NRG1: variants seen among roughly 807,000 people sequenced by gnomAD.
The protein encoded by NRG1 is pro-neuregulin-1, membrane-bound isoform.
NRG1 carries 18 observed loss-of-function variants against 63.8 expected under a neutral mutation model. The ratio of observed to expected loss-of-function variants is 0.28; its 90% CI spans 0.19 to 0.42. The LOEUF (loss-of-function observed/expected upper bound fraction) is 0.42. Ranked by LOEUF, NRG1 falls within the 10% of genes least tolerant of loss-of-function variation. NRG1 has a pLI of 1.00. For synonymous variants in NRG1, 302 were observed against 301.3 expected (o/e 1.00, Z -0.02); for missense variants, 762 against 814.7 (o/e 0.94, Z 0.79).
chr8:32,047,538 A>G (rs1185292485), intron 1 of NRG1, among the ~76,000 whole-genome samples: 2 of 151,990 alleles, frequency 1.3e-5, no homozygotes, highest in African/African-American at 4.8e-5. Flanking sequence ...GTATGGAAAA[A>G]TTTCCTATTA....
intron 1 of NRG1, among the ~76,000 whole-genome samples, chr8:32,412,023 T>C (rs1251955537): frequency 6.6e-6 from 1 of 152,110 alleles, no homozygotes; most frequent in Non-Finnish European, 1.5e-5. Flanking sequence ...CTGGATGAGA[T>C]GAACATTTGA....
chr8:31,695,180 A>T (rs555638900), intron 1 of NRG1, among the ~76,000 whole-genome samples: 52 of 151,738 alleles, frequency 3.4e-4, no homozygotes, highest in African/African-American at 1.3e-3. Flanking sequence ...TTATTTATTT[A>T]TTTTTTTGAG....
At chr8:32,327,350 C>T (rs767950898) in intron 1 of NRG1, among the ~76,000 whole-genome samples, 17 of 152,134 alleles carry the variant, frequency 1.1e-4, no homozygotes, top group Non-Finnish European at 2.2e-4. Context: ...TTTTTAAAGA[C>T]AACAAAGAAA....
intron 1 of NRG1, among the ~76,000 whole-genome samples, chr8:32,162,813 A>G (rs1173926359): frequency 6.6e-6 from 1 of 152,076 alleles, no homozygotes; most frequent in Non-Finnish European, 1.5e-5. Context: ...CTGCCTAGAG[A>G]TATGAGCTGT....
chr8:32,157,967 C>T (rs1838327806), intron 1 of NRG1, among the ~76,000 whole-genome samples: 10 of 152,124 alleles, frequency 6.6e-5, no homozygotes, highest in Admixed American at 6.6e-4. Context: ...ATACACTTTC[C>T]ACTTTCCCAA....
chr8:32,647,040 G>T, intron 5 of NRG1: 2 of 985,210 alleles, frequency 2.0e-6, no homozygotes, highest in Non-Finnish European at 2.4e-6. Context: ...GTAGTCGGGG[G>T]TGGGGTGGAG....
At chr8:32,652,984 A>G (rs1218241739) in intron 5 of NRG1, among the ~76,000 whole-genome samples, 4 of 152,236 alleles carry the variant, frequency 2.6e-5, no homozygotes, top group Admixed American at 2.0e-4. Context: ...AGAACCAGGA[A>G]TATAACTTGT....
At chr8:32,339,968 G>A (rs1251707475) in intron 1 of NRG1, among the ~76,000 whole-genome samples, 1 of 152,028 alleles carries the variant, frequency 6.6e-6, no homozygotes, top group Non-Finnish European at 1.5e-5. Context: ...TGAGATACTG[G>A]CTTTTAGAGG....
chr8:31,660,618 A>T (rs1335512780), intron 1 of NRG1, among the ~76,000 whole-genome samples: 1 of 152,204 alleles, frequency 6.6e-6, no homozygotes, highest in Non-Finnish European at 1.5e-5. Flanking sequence ...CAGCCACTAG[A>T]GTTAAAATTC....
intron 1 of NRG1, among the ~76,000 whole-genome samples, chr8:31,897,907 C>G (rs1173881554): frequency 6.6e-6 from 1 of 150,494 alleles, no homozygotes; most frequent in Non-Finnish European, 1.5e-5. Flanking sequence ...GTAATCTCAG[C>G]TACTTTGAAG....
chr8:32,616,460 G>C (rs1271645857), intron 4 of NRG1, among the ~76,000 whole-genome samples: 1 of 152,054 alleles, frequency 6.6e-6, no homozygotes, highest in African/African-American at 2.4e-5. Context: ...GAATCCAGGG[G>C]CTATTCTCTT....
intron 1 of NRG1, among the ~76,000 whole-genome samples, chr8:32,107,192 C>T (rs141667175): frequency 4.0e-5 from 6 of 150,642 alleles, no homozygotes; most frequent in South Asian, 4.3e-4. Flanking sequence ...GCCGAGATTG[C>T]GCAACAGAGT....
intron 1 of NRG1, among the ~76,000 whole-genome samples, chr8:31,834,732 G>C (rs1825537002): frequency 6.6e-6 from 1 of 152,064 alleles, no homozygotes; most frequent in Admixed American, 6.6e-5. Context: ...AAAATAAAAT[G>C]AAAAAGAAGA....
intron 1 of NRG1, among the ~76,000 whole-genome samples, chr8:32,181,232 T>C (rs994777167): frequency 1.1e-4 from 16 of 152,198 alleles, no homozygotes; most frequent in African/African-American, 3.9e-4. Flanking sequence ...CTCCAGCTAG[T>C]TATTAGTCCT....
intron 1 of NRG1, among the ~76,000 whole-genome samples, chr8:32,002,828 A>T (rs186435476): frequency 6.6e-6 from 1 of 152,218 alleles, no homozygotes; most frequent in East Asian, 1.9e-4. Context: ...TAAGCTAAAC[A>T]TGAGTACATT....
intron 1 of NRG1, among the ~76,000 whole-genome samples, chr8:32,241,599 A>G (rs1457280986): frequency 6.6e-6 from 1 of 152,216 alleles, no homozygotes; most frequent in Non-Finnish European, 1.5e-5. Context: ...AAAGTTATCT[A>G]TATGGAGATC....
intron 1 of NRG1, among the ~76,000 whole-genome samples, chr8:32,289,480 T>G (rs1199716147): frequency 6.6e-6 from 1 of 152,074 alleles, no homozygotes; most frequent in African/African-American, 2.4e-5. Context: ...TCAAACTTGA[T>G]AGTATGCTTT....
intron 1 of NRG1, among the ~76,000 whole-genome samples, chr8:32,023,435 A>G (rs1816761711): frequency 6.6e-6 from 1 of 152,156 alleles, no homozygotes; most frequent in Admixed American, 6.5e-5. Context: ...AACAGCTGCA[A>G]GTAAGTATGA....
intron 1 of NRG1, among the ~76,000 whole-genome samples, chr8:32,320,484 G>A (rs1801254542): frequency 6.6e-6 from 1 of 152,156 alleles, no homozygotes; most frequent in African/African-American, 2.4e-5. Context: ...AAAGGCCTCA[G>A]GAAGCTTACA....
Sources: allele counts gnomAD v4.1 joint callset (sites outside exome capture counted in the v4.1 genomes callset), GRCh38; gene constraint gnomAD v4.1.1; transcripts MANE v1.5; gene names NCBI Gene and HGNC (gene_info 2026-07-23, HGNC 2026-07-21).